The following GPR55 variants were observed in gnomAD, a reference collection of about 807,000 sequenced individuals.
The protein encoded by GPR55 is G protein-coupled receptor 55.
Under a neutral mutation model 7.9 loss-of-function variants are expected in GPR55, and 6 were observed. The observed-to-expected ratio is 0.76, with a 90% CI of 0.41 to 1.49. The LOEUF (loss-of-function observed/expected upper bound fraction) is 1.49. GPR55 is among the 40% of genes most tolerant of loss of function. GPR55 has a pLI of 0.01. For missense variants in GPR55, 376 were observed against 406.0 expected, an observed-to-expected ratio of 0.93 and a Z score of 0.63; for synonymous variants, 183 against 166.8, an observed-to-expected ratio of 1.10 and a Z score of -0.75.
intron 1 of GPR55, among the ~76,000 whole-genome samples, chr2:230,937,639 C>CA (rs1208732957): frequency 6.0e-5 from 9 of 151,064 alleles, no homozygotes; most frequent in Admixed American, 4.6e-4. Flanking sequence ...CAACAGTCAC[C>CA]AAAAAAAGTT....
intron 1 of GPR55, among the ~76,000 whole-genome samples, chr2:230,936,313 C>T (rs898709704): frequency 1.3e-5 from 2 of 152,150 alleles, no homozygotes; most frequent in Admixed American, 6.5e-5. Flanking sequence ...GTCGTAGGAT[C>T]GTAGGAGGAA....
intron 1 of GPR55, chr2:230,957,548 G>A (rs1691510344): frequency 8.0e-6 from 3 of 374,664 alleles, no homozygotes; most frequent in Non-Finnish European, 1.6e-5. Flanking sequence ...TCCTTCTCCC[G>A]CGGCGCCGGC....
chr2:230,934,803 G>A (rs1005453304), intron 1 of GPR55, among the ~76,000 whole-genome samples: 4 of 152,148 alleles, frequency 2.6e-5, no homozygotes, highest in East Asian at 1.9e-4. Context: ...GTGAAGAGCC[G>A]TCACTGCAGG....
chr2:230,939,026 C>T (rs1422147815), intron 1 of GPR55, among the ~76,000 whole-genome samples: 1 of 152,256 alleles, frequency 6.6e-6, no homozygotes, highest in Non-Finnish European at 1.5e-5. Flanking sequence ...CAGAGGGCTC[C>T]TGCCGTGTGG....
intron 1 of GPR55, among the ~76,000 whole-genome samples, chr2:230,949,550 C>T (rs1480539362): frequency 1.3e-5 from 2 of 152,248 alleles, no homozygotes; most frequent in East Asian, 1.9e-4. Context: ...TAGATCAGCA[C>T]TTCTCAAAGT....
chr2:230,916,528 A>C (rs75357075), intron 1 of GPR55, among the ~76,000 whole-genome samples: 151 of 136,440 alleles, frequency 1.1e-3, no homozygotes, highest in African/African-American at 4.5e-3. Context: ...TCTCTCTAAG[A>C]AAAAAAAAAA....
chr2:230,947,290 A>G (rs540213616), intron 1 of GPR55, among the ~76,000 whole-genome samples: 2 of 152,298 alleles, frequency 1.3e-5, no homozygotes, highest in South Asian at 4.1e-4. Flanking sequence ...GCAAAGCTGG[A>G]GCCTGCCAGC....
chr2:230,914,709 G>A (rs910890149), intron 1 of GPR55, among the ~76,000 whole-genome samples: 2 of 152,182 alleles, frequency 1.3e-5, no homozygotes, highest in African/African-American at 4.8e-5. Context: ...GTGGGGTGTG[G>A]GGCCATTCCA....
In GPR55 at chr2:230,938,948, A is replaced by C. The variant is rs1482233090; in HGVS notation, c.-135+21827T>G. Among the ~76,000 whole-genome samples the C allele has an allele frequency of 1.5e-4, 23 of 152,168 alleles. 1 individual carries two copies. The highest frequency in any genetic ancestry group is 1.5e-3 in the Admixed American group (23 of 15,276). On this transcript the variant is annotated intron_variant, in intron 1 of 1. Transcript: ENST00000392039. ...TCATTAAATATCGCCCCCAAGTAGC[A>C]CTTCAAGAAGAAAGTCAGCTGCAGC...
chr2:230,957,513 G>A, intron 1 of GPR55: 1 of 362,586 alleles, frequency 2.8e-6, no homozygotes, highest in Non-Finnish European at 5.3e-6. Flanking sequence ...TGGGCGGGAC[G>A]GGGAGGGGCG....
intron 1 of GPR55, among the ~76,000 whole-genome samples, chr2:230,942,935 G>A (rs1053981405): frequency 1.3e-5 from 2 of 152,058 alleles, no homozygotes; most frequent in Non-Finnish European, 2.9e-5. Context: ...GTGAGAGCAC[G>A]ACCCTGGGGC....
upstream of GPR55, among the ~76,000 whole-genome samples, chr2:230,925,706 T>C (rs545709412): frequency 6.6e-6 from 1 of 152,244 alleles, no homozygotes; most frequent in East Asian, 1.9e-4. Context: ...GGTGGTGCTA[T>C]TTAGTACTTG....
chr2:230,931,670 G>C (rs945707579), intron 1 of GPR55, among the ~76,000 whole-genome samples: 1 of 152,052 alleles, frequency 6.6e-6, no homozygotes, highest in African/African-American at 2.4e-5. Context: ...CTGCACCCAC[G>C]AGGGCCCCAC....
At chr2:230,916,489 A>G (rs1217404269) in intron 1 of GPR55, among the ~76,000 whole-genome samples, 1 of 151,744 alleles carries the variant, frequency 6.6e-6, no homozygotes, top group African/African-American at 2.4e-5. Flanking sequence ...GTGCCACTGC[A>G]CTCCAGCCTG....
At chr2:230,912,814 G>T (rs6436980) in intron 1 of GPR55, among the ~76,000 whole-genome samples, 73,946 of 152,172 alleles carry the variant, frequency 0.49, 21,839 homozygotes, top group African/African-American at 0.85. Context: ...AAGTATTCCA[G>T]GCGCTCAATA....
At chr2:230,940,995 T>A (rs1056724323) in intron 1 of GPR55, among the ~76,000 whole-genome samples, 1 of 152,100 alleles carries the variant, frequency 6.6e-6, no homozygotes, top group African/African-American at 2.4e-5. Flanking sequence ...TGTGCACTTG[T>A]AGTCCCAGCT....
upstream of GPR55, among the ~76,000 whole-genome samples, chr2:230,926,221 G>T (rs1017008723): frequency 2.6e-5 from 4 of 152,194 alleles, no homozygotes; most frequent in Non-Finnish European, 5.9e-5. Flanking sequence ...GGAACCACCT[G>T]GCCCTCTGGA....
intron 1 of GPR55, among the ~76,000 whole-genome samples, chr2:230,935,921 T>A (rs1381604092): frequency 1.3e-5 from 2 of 152,212 alleles, no homozygotes; most frequent in African/African-American, 4.8e-5. Context: ...GTATTTTAGA[T>A]TTTGGACTTT....
At chr2:230,940,882 C>T (rs1691215027) in intron 1 of GPR55, among the ~76,000 whole-genome samples, 1 of 152,120 alleles carries the variant, frequency 6.6e-6, no homozygotes, top group South Asian at 2.1e-4. Flanking sequence ...TTTGGGAGGC[C>T]AAGGCGGGTG....
Sources: allele counts gnomAD v4.1 joint callset (sites outside exome capture counted in the v4.1 genomes callset), GRCh38; gene constraint gnomAD v4.1.1; transcripts MANE v1.5; gene names NCBI Gene and HGNC (gene_info 2026-07-23, HGNC 2026-07-21).